Variants in RIN3 observed in about 807,000 individuals in gnomAD.
The protein encoded by RIN3 is Ras and Rab interactor 3, also known as RAB5 interacting protein 3.
In RIN3, 54 loss-of-function variants were observed where a neutral mutation model predicts 76.3. The observed-to-expected ratio is 0.71, with a 90% CI of 0.57 to 0.89. The LOEUF is 0.89. RIN3 is among the 40% of genes least tolerant of loss of function. The pLI is 0.00. For synonymous variants in RIN3, 576 were observed against 564.0 expected, an observed-to-expected ratio of 1.02 and a Z score of -0.30; for missense variants, 1,256 against 1,322.1, an observed-to-expected ratio of 0.95 and a Z score of 0.78.
chr14:92,547,032 T>G (rs1229386265), intron 1 of RIN3, among the ~76,000 whole-genome samples: 1 of 139,134 alleles, frequency 7.2e-6, no homozygotes, highest in East Asian at 2.0e-4. Flanking sequence ...TAATTATTAT[T>G]TTATTTTATT....
chr14:92,614,736 C>T (rs1036257336), intron 3 of RIN3, among the ~76,000 whole-genome samples: 4 of 151,354 alleles, frequency 2.6e-5, no homozygotes, highest in African/African-American at 7.3e-5. Flanking sequence ...ACGTGCCTTT[C>T]GCCTTCCACC....
At chr14:92,527,218 T>A (rs896368404) in intron 1 of RIN3, among the ~76,000 whole-genome samples, 1 of 151,480 alleles carries the variant, frequency 6.6e-6, no homozygotes, top group African/African-American at 2.4e-5. Context: ...GCCCGGCTAA[T>A]TTTTTTTGTA....
chr14:92,667,431 C>T (rs540434052), intron 7 of RIN3, among the ~76,000 whole-genome samples: 59 of 151,954 alleles, frequency 3.9e-4, no homozygotes, highest in African/African-American at 1.4e-3. Flanking sequence ...GCAGGAGAAT[C>T]GCTTGAACCC....
At chr14:92,624,145 G>A (rs573298252) in intron 4 of RIN3, among the ~76,000 whole-genome samples, 1 of 152,236 alleles carries the variant, frequency 6.6e-6, no homozygotes, top group Admixed American at 6.5e-5. Flanking sequence ...TTGTTTCTTT[G>A]TATCCTGTTT....
chr14:92,549,279 C>T lies in RIN3; in HGVS notation c.45-6472C>T, dbSNP rs558499016. Among the ~76,000 whole-genome samples, 18 of 152,318 alleles carry T rather than the reference C, an allele frequency of 1.2e-4. No individual in the cohort carries two copies. In the East Asian group the frequency reaches 2.7e-3, roughly 23 times the overall value. ...CTTTCCGTCACACACTCCCACCTCC[C>T]GCCCCCTGGCGTGTTCTGGCCAAGT... On this transcript the variant is annotated intron_variant, in intron 1 of 9. Transcript: ENST00000216487.
At chr14:92,674,154 T>A (rs1333489720) in intron 7 of RIN3, among the ~76,000 whole-genome samples, 2 of 152,086 alleles carry the variant, frequency 1.3e-5, no homozygotes, top group Admixed American at 6.6e-5. Flanking sequence ...TTCTCCAACC[T>A]CCCTGCCGAG....
At chr14:92,583,954 G>A (rs1884665596) in intron 3 of RIN3, among the ~76,000 whole-genome samples, 1 of 152,170 alleles carries the variant, frequency 6.6e-6, no homozygotes, top group Non-Finnish European at 1.5e-5. Context: ...CCACTGATCT[G>A]GCAGGAGGCA....
intron 3 of RIN3, among the ~76,000 whole-genome samples, chr14:92,586,239 A>G (rs971858540): frequency 6.6e-6 from 1 of 152,204 alleles, no homozygotes; most frequent in Admixed American, 6.5e-5. Flanking sequence ...GCCTGTGTGT[A>G]GTAAGCACAC....
chr14:92,682,068 G>A (rs1184228897), intron 8 of RIN3, among the ~76,000 whole-genome samples: 1 of 151,998 alleles, frequency 6.6e-6, no homozygotes, highest in African/African-American at 2.4e-5. Context: ...TGTATTTTTG[G>A]TAGAGACAGG....
intron 7 of RIN3, among the ~76,000 whole-genome samples, chr14:92,675,693 T>C (rs1888435792): frequency 6.6e-6 from 1 of 152,216 alleles, no homozygotes; most frequent in Non-Finnish European, 1.5e-5. Flanking sequence ...AAGATTCTAT[T>C]CTGGTCAGAA....
chr14:92,629,005 C>T (rs541651301), intron 4 of RIN3, among the ~76,000 whole-genome samples: 7 of 152,048 alleles, frequency 4.6e-5, no homozygotes, highest in Non-Finnish European at 8.8e-5. Context: ...CAGGCAGTGG[C>T]ATTTAGGCTT....
intron 5 of RIN3, among the ~76,000 whole-genome samples, chr14:92,645,943 C>T (rs1167415047): frequency 9.1e-6 from 1 of 109,422 alleles, no homozygotes; most frequent in Non-Finnish European, 1.9e-5. Context: ...CAGAACGAGA[C>T]TCTCTCTCAA....
At chr14:92,528,840 C>T (rs556040953) in intron 1 of RIN3, among the ~76,000 whole-genome samples, 46 of 152,258 alleles carry the variant, frequency 3.0e-4, no homozygotes, top group Non-Finnish European at 5.6e-4. Context: ...CCTCAGTGAG[C>T]GGTTCGCGGG....
At position 92,688,018 on chromosome 14, in the gene RIN3, G is replaced by T. The variant is rs749060476; in HGVS notation, c.2724G>T (p.Gln908His). The T allele has an allele frequency of 1.3e-6, 2 of 1,584,906 alleles. No individual in the cohort carries two copies. The highest frequency in any genetic ancestry group is 8.6e-7 in the Non-Finnish European group (1 of 1,167,176). Residue 908 changes from glutamine (Q) to histidine (H), a missense_variant, in exon 10 of 10, where the codon CAG becomes CAT. Coordinates refer to ENST00000216487, the MANE Select transcript of RIN3 (RefSeq NM_024832.5). The part of the protein sequence containing the change: ...ADTQAQALCA[Q>H]CAEKFAVERP... Reference sequence around the variant, plus strand: ...CCCAGGCCCAGGCGCTGTGCGCGCAGTGCGCGGAGAAGTTCGCGGTGGAGC... The same window carrying T: ...CCCAGGCCCAGGCGCTGTGCGCGCATTGCGCGGAGAAGTTCGCGGTGGAGC...
intron 3 of RIN3, among the ~76,000 whole-genome samples, chr14:92,610,081 A>G (rs553791546): frequency 6.6e-6 from 1 of 152,198 alleles, no homozygotes; most frequent in Non-Finnish European, 1.5e-5. Flanking sequence ...TTTAAAGTAT[A>G]CAATTCGATG....
chr14:92,577,281 A>T, intron 2 of RIN3, 79 bp from the exon 3 acceptor site: 1 of 896,642 alleles, frequency 1.1e-6, no homozygotes, highest in Non-Finnish European at 1.8e-6. Context: ...CTTCCAGATG[A>T]CTTCCATCTC....
chr14:92,595,475 GT>G (rs1885120547), intron 3 of RIN3, among the ~76,000 whole-genome samples: 2 of 152,190 alleles, frequency 1.3e-5, no homozygotes, highest in Non-Finnish European at 2.9e-5. Context: ...CTTTGAGGGG[GT>G]TTTCCCAAAA....
At chr14:92,556,055 G>A in intron 2 of RIN3, 100 bp downstream of exon 2, 2 of 904,116 alleles carry the variant, frequency 2.2e-6, no homozygotes, top group Non-Finnish European at 3.4e-6. Flanking sequence ...CAGCTACCAT[G>A]CAGATGACTG....
At chr14:92,519,772 C>G (rs74075420) in intron 1 of RIN3, among the ~76,000 whole-genome samples, 1 of 152,144 alleles carries the variant, frequency 6.6e-6, no homozygotes, top group East Asian at 1.9e-4. Context: ...TGTAGTACAG[C>G]GAAGCCAGTC....
Sources: gnomAD v4.1 joint callset for allele counts (sites outside exome capture counted in the v4.1 genomes callset) on GRCh38, gnomAD v4.1.1 for gene constraint, MANE v1.5 for transcripts, NCBI Gene and HGNC (gene_info 2026-07-23, HGNC 2026-07-21) for gene names.